Variants in TPD52L2 observed in about 807,000 individuals in gnomAD.
TPD52L2 encodes the protein TPD52 like 2, also known as tumor protein D54.
Under a neutral mutation model 24.7 loss-of-function variants are expected in TPD52L2, and 19 were observed. The observed-to-expected ratio is 0.77, with a 90% CI of 0.54 to 1.13. The LOEUF is 1.13. Ranked by LOEUF, TPD52L2 falls within the 50% of genes most tolerant of loss-of-function variation. TPD52L2 has a pLI of 0.00. For synonymous variants in TPD52L2, 104 were observed against 100.2 expected, an observed-to-expected ratio of 1.04 and a Z score of -0.23; for missense variants, 236 against 250.4, an observed-to-expected ratio of 0.94 and a Z score of 0.39.
intron 2 of TPD52L2, among the ~76,000 whole-genome samples, chr20:63,871,755 TC>T (rs1265910349): frequency 7.9e-5 from 12 of 151,458 alleles, no homozygotes; most frequent in Admixed American, 7.9e-4. Flanking sequence ...TGTCTCAGCC[TC>T]CCGAGTACCT....
rs548073682 is a variant in TPD52L2, at chr20:63,866,899, G to T, written c.19+1515G>T. Reference sequence around the variant, plus strand: ...CGATCTTCCTGCGTCAGCCTCCCAGGTAGCTGGGACTATAAGACTACAGGC... The same window carrying T: ...CGATCTTCCTGCGTCAGCCTCCCAGTTAGCTGGGACTATAAGACTACAGGC... On this transcript the variant is annotated intron_variant, in intron 1 of 6. Coordinates refer to ENST00000346249, the MANE Select transcript of TPD52L2 (RefSeq NM_003288.4). 9.9e-4 allele frequency among the ~76,000 whole-genome samples: 149 copies of T among 151,190 alleles called. 2 individuals carry two copies. The highest frequency in any genetic ancestry group is 1.9e-3 in the Non-Finnish European group (129 of 67,886).
rs572992381 is a variant in TPD52L2 at position 63,887,420 on chromosome 20, A to G, written c.477-1770A>G. Reference sequence around the variant, plus strand: ...CTGGGGTCGAGTTTCCTTCGGGGGCATTGTGTGGAGGGGCAGGCAGCTCGC... The same window carrying G: ...CTGGGGTCGAGTTTCCTTCGGGGGCGTTGTGTGGAGGGGCAGGCAGCTCGC... On this transcript the variant is annotated intron_variant, in intron 5 of 6. Transcript: ENST00000346249. 306 of 930,152 alleles carry G rather than the reference A, an allele frequency of 3.3e-4. 1 individual carries two copies. The highest frequency in any genetic ancestry group is 1.3e-3 in the Middle Eastern group (6 of 4,638). 57.6% of individuals were successfully genotyped at this position (930,152 alleles called of 1,614,324 possible). A position where few individuals can be genotyped will look rare whatever the true frequency, so the allele number is the denominator to read the frequency against.
intron 5 of TPD52L2, among the ~76,000 whole-genome samples, chr20:63,884,131 A>G (rs1458412257): frequency 6.6e-6 from 1 of 152,154 alleles, no homozygotes; most frequent in East Asian, 1.9e-4. Flanking sequence ...TCAGTATGCA[A>G]TGTGTGTGTT....
rs2052166814 is a variant in TPD52L2 at position 63,865,312 on chromosome 20, CCGCCCGCTCGGCTCCCATAG to C, written c.-46_-27del. On this transcript the variant is annotated 5_prime_UTR_variant, in exon 1 of 7. Transcript: ENST00000346249. ...TGTACGCGGCGAGCTTCTCCCGGCG[CCGCCCGCTCGGCTCCCATAG>C]CGCCCGCGACAGCGGTCCGGACGCC... The C allele has an allele frequency of 2.0e-6, 3 of 1,498,796 alleles. No homozygotes were observed. Among genetic ancestry groups the C allele is most frequent in the Non-Finnish European group, 2.7e-6 (3 of 1,130,084 alleles). The allele number at this position is 1,498,796 out of a possible 1,614,324, so 92.8% of individuals were successfully genotyped here. A position where few individuals can be genotyped will look rare whatever the true frequency, so the allele number is the denominator to read the frequency against.
intron 4 of TPD52L2, among the ~76,000 whole-genome samples, chr20:63,882,084 G>T (rs565916171): frequency 6.6e-4 from 101 of 152,362 alleles, no homozygotes; most frequent in Non-Finnish European, 8.2e-4. Flanking sequence ...CCTGGGAATG[G>T]AACTGTCCGA....
chr20:63,867,611 G>A (rs182786564), intron 1 of TPD52L2, among the ~76,000 whole-genome samples: 3 of 152,022 alleles, frequency 2.0e-5, no homozygotes, highest in East Asian at 3.9e-4. Flanking sequence ...GATACGCTTC[G>A]TTTAGTAAGC....
intron 4 of TPD52L2, among the ~76,000 whole-genome samples, chr20:63,878,832 G>A (rs547309116): frequency 1.3e-4 from 20 of 152,316 alleles, no homozygotes; most frequent in Admixed American, 5.9e-4. Context: ...GGGGTTGCCC[G>A]GCCCGGTGCT....
chr20:63,889,831 C>T lies in TPD52L2; in HGVS notation c.526-19C>T, dbSNP rs754552162. Reference sequence around the variant, plus strand: ...GCTCTGTCTCAGGTTTTTCTGTCTTCATCTTTTCTCTCCTGTAGTCTAAGG... The same window carrying T: ...GCTCTGTCTCAGGTTTTTCTGTCTTTATCTTTTCTCTCCTGTAGTCTAAGG... On this transcript the variant is annotated intron_variant, in intron 6 of 6. Transcript: ENST00000346249. 3 of 1,610,186 alleles carry T rather than the reference C, an allele frequency of 1.9e-6. No homozygotes were observed. Among genetic ancestry groups the T allele is most frequent in the Non-Finnish European group, 2.5e-6 (3 of 1,177,072 alleles).
intron 1 of TPD52L2, 75 bp from the exon 2 acceptor site, chr20:63,869,221 C>T: frequency 1.3e-6 from 2 of 1,570,732 alleles, no homozygotes; most frequent in South Asian, 1.1e-5. Context: ...TGCTTTTGTC[C>T]TGCTAGAGAC....
intron 4 of TPD52L2, chr20:63,876,668 T>C (rs3795151): frequency 0.051 from 21,966 of 432,776 alleles, 1,125 homozygotes; most frequent in East Asian, 0.19. Context: ...CCCATGTTGG[T>C]CTGAAAGGAA....
intron 2 of TPD52L2, among the ~76,000 whole-genome samples, chr20:63,870,397 G>A (rs1246454288): frequency 6.6e-6 from 1 of 151,736 alleles, no homozygotes; most frequent in Non-Finnish European, 1.5e-5. Context: ...TTCTAGCCTA[G>A]AAGATTAAAG....
chr20:63,872,098 G>A (rs1310071981), intron 2 of TPD52L2, among the ~76,000 whole-genome samples: 1 of 149,212 alleles, frequency 6.7e-6, no homozygotes, highest in Non-Finnish European at 1.5e-5. Context: ...TCATGATCAG[G>A]AATCTTTCTG....
chr20:63,885,624 C>G (rs1389456167), intron 5 of TPD52L2, among the ~76,000 whole-genome samples: 1 of 152,232 alleles, frequency 6.6e-6, no homozygotes, highest in Non-Finnish European at 1.5e-5. Context: ...AGCTGTCATG[C>G]TGTGGCACAT....
rs1474380065 is a variant in TPD52L2, at chr20:63,871,707, C to G, written c.166-1961C>G. On this transcript the variant is annotated intron_variant, in intron 2 of 6. Coordinates refer to ENST00000346249, the MANE Select transcript of TPD52L2 (RefSeq NM_003288.4). ...GGAGTGGAATGGTGCGATCTTGGCTCACTGCAGCCTCTGCCTCCCAGGTTC... is the reference window on the plus strand; with the variant it reads ...GGAGTGGAATGGTGCGATCTTGGCTGACTGCAGCCTCTGCCTCCCAGGTTC... Among the ~76,000 whole-genome samples, 16 of 149,542 alleles carry G rather than the reference C, an allele frequency of 1.1e-4. No homozygotes were observed. In the Admixed American group the frequency reaches 1.1e-3, roughly 10 times the overall value.
At chr20:63,879,172 T>A (rs1168576782) in intron 4 of TPD52L2, among the ~76,000 whole-genome samples, 3 of 152,194 alleles carry the variant, frequency 2.0e-5, no homozygotes, top group African/African-American at 7.2e-5. Flanking sequence ...GGCCTCAGGC[T>A]ATGCAGGTGA....
chr20:63,882,250 C>T (rs1352569320), intron 4 of TPD52L2, among the ~76,000 whole-genome samples: 2 of 152,252 alleles, frequency 1.3e-5, no homozygotes, highest in Non-Finnish European at 2.9e-5. Context: ...GAAACTTGCA[C>T]GCATGGGCCG....
At chr20:63,870,617 G>C (rs546192338) in intron 2 of TPD52L2, among the ~76,000 whole-genome samples, 1 of 135,282 alleles carries the variant, frequency 7.4e-6, no homozygotes, top group Non-Finnish European at 1.5e-5. Flanking sequence ...TCCAACACCC[G>C]GGTTCACGCC....
rs1290957370 is a variant in TPD52L2, at chr20:63,865,441, C to T, written c.19+57C>T. 9 of 1,495,240 alleles carry T rather than the reference C, an allele frequency of 6.0e-6. 1 individual carries two copies. The highest frequency in any genetic ancestry group is 6.2e-6 in the Non-Finnish European group (7 of 1,126,664). 92.6% of individuals were successfully genotyped at this position (1,495,240 alleles called of 1,614,324 possible). A position where few individuals can be genotyped will look rare whatever the true frequency, so the allele number is the denominator to read the frequency against. Reference sequence around the variant, plus strand: ...ATGGGCCCAGGCTGCCCGTTGTTCTCCGTCTCCCGGGGTCGCGTCTGCGAC... The same window carrying T: ...ATGGGCCCAGGCTGCCCGTTGTTCTTCGTCTCCCGGGGTCGCGTCTGCGAC... On this transcript the variant is annotated intron_variant, in intron 1 of 6. Coordinates refer to ENST00000346249, the MANE Select transcript of TPD52L2 (RefSeq NM_003288.4).
chr20:63,886,166 GGA>G lies in TPD52L2; in HGVS notation c.477-3023_477-3022del. On this transcript the variant is annotated intron_variant, in intron 5 of 6. Transcript: ENST00000346249. ...AGTGAAAGTGGGATCACCCCTTCCA[GGA>G]CAGCAGTGCCAGCCAGGTGGTTGCT... 3 of 936,648 alleles carry G rather than the reference GGA, an allele frequency of 3.2e-6. No homozygotes were observed. In the Middle Eastern group the frequency reaches 6.6e-4, roughly 207 times the overall value. 58.0% of individuals were successfully genotyped at this position (936,648 alleles called of 1,614,324 possible). A position where few individuals can be genotyped will look rare whatever the true frequency, so the allele number is the denominator to read the frequency against.
Sources: allele counts gnomAD v4.1 joint callset (sites outside exome capture counted in the v4.1 genomes callset), GRCh38; gene constraint gnomAD v4.1.1; transcripts MANE v1.5; gene names NCBI Gene and HGNC (gene_info 2026-07-23, HGNC 2026-07-21).